MS4A13: variants seen among roughly 807,000 people sequenced by gnomAD.
MS4A13 encodes membrane-spanning 4-domains subfamily A member 13.
A neutral mutation model predicts 18.4 loss-of-function variants in MS4A13; 21 were observed. That is an observed-to-expected ratio of 1.14 (90% CI 0.81 to 1.64). MS4A13 has a LOEUF of 1.64. Among genes scored for constraint, MS4A13 ranks in the 40% most tolerant of loss-of-function variants. The pLI is 0.00. For missense variants in MS4A13, 173 were observed against 176.8 expected, an observed-to-expected ratio of 0.98 and a Z score of 0.12; for synonymous variants, 62 against 57.2, an observed-to-expected ratio of 1.08 and a Z score of -0.38.
chr11:60,540,016 TA>T (rs1365804879), intron 6 of MS4A13, among the ~76,000 whole-genome samples: 1 of 152,210 alleles, frequency 6.6e-6, no homozygotes, highest in Non-Finnish European at 1.5e-5. Flanking sequence ...AAAGTGCCAG[TA>T]AAAGTAATTA....
rs372576535 is a variant in MS4A13, at chr11:60,529,362, T to C, written c.307-3T>C. 4.4e-6 allele frequency: 7 copies of C among 1,582,722 alleles called. No individual in the cohort carries two copies. Among genetic ancestry groups the C allele is most frequent in the African/African-American group, 1.4e-5 (1 of 73,632 alleles). ...AAGATTTCTCCCTGTTTTTTGGTTA[T>C]AGAAACTTGGGAGGGAAGTATCACG... On this transcript the variant is annotated splice_polypyrimidine_tract_variant and splice_region_variant and intron_variant, in intron 5 of 6. Coordinates refer to ENST00000378186, the MANE Select transcript of MS4A13 (RefSeq NM_001012417.3).
chr11:60,521,790 G>A (rs991705445), intron 3 of MS4A13, among the ~76,000 whole-genome samples: 1 of 152,120 alleles, frequency 6.6e-6, no homozygotes, highest in Non-Finnish European at 1.5e-5. Context: ...TATCTTTTCA[G>A]CAGCACCCCA....
chr11:60,538,177 T>TTAAAAAA (rs60140970), intron 6 of MS4A13, among the ~76,000 whole-genome samples: 24 of 75,110 alleles, frequency 3.2e-4, no homozygotes, highest in East Asian at 1.4e-3. Context: ...TAAAGTATAA[T>TTAAAAAA]AAAAAAAAAA....
At chr11:60,527,361 CGTCTCTCTCTCTCTCTCTCTCTCTCTCT>C (rs1178742114) in intron 5 of MS4A13, among the ~76,000 whole-genome samples, 4 of 77,056 alleles carry the variant, frequency 5.2e-5, no homozygotes, top group Non-Finnish European at 9.5e-5. Context: ...TCATTCATTC[CGTCTCTCTCTCTCTCTCTCTCTCTCTCT>C]CTCTCTCTCT....
intron 6 of MS4A13, among the ~76,000 whole-genome samples, chr11:60,540,905 T>C (rs990797686): frequency 1.3e-5 from 2 of 148,322 alleles, no homozygotes; most frequent in African/African-American, 2.5e-5. Flanking sequence ...CAATGAGCCA[T>C]ATTCAGGCCA....
chr11:60,532,658 G>T (rs1450893020), intron 6 of MS4A13, among the ~76,000 whole-genome samples: 2 of 151,290 alleles, frequency 1.3e-5, no homozygotes, highest in Non-Finnish European at 3.0e-5. Flanking sequence ...CTCGAACTGG[G>T]TGGAGCCCAC....
At position 60,527,358 on chromosome 11, in the gene MS4A13, TTCCGTCTCTC is replaced by T. The variant is rs1471516317; in HGVS notation, c.307-2004_307-1995del. The stretch of plus-strand genomic sequence containing the variant: ...ACATCATCTGCCAGGAACTCATTCA[TTCCGTCTCTC>T]TCTCTCTCTCTCTCTCTCTCTCTCT... On this transcript the variant is annotated intron_variant, in intron 5 of 6. Transcript: ENST00000378186. 8.4e-4 allele frequency among the ~76,000 whole-genome samples: 69 copies of T among 81,930 alleles called. 5 individuals are homozygous for T. The highest frequency in any genetic ancestry group is 2.2e-3 in the South Asian group (4 of 1,852). The allele number at this position is 81,930 out of a possible 152,430, so 53.7% of individuals were successfully genotyped here.
chr11:60,518,175 T>G lies in MS4A13; in HGVS notation c.92T>G (p.Val31Gly). ...GGAGCCTTTGGAACGTATGAACCTG[T>G]AACTTACAAAACAGGATGTACTTTA... ...IKGAFGTYEP[V>G]TYKTGCTLWG... The change falls in exon 3 of 7, where the codon GTA (valine) becomes GGA (glycine). Residue 31 changes from valine to glycine, a missense_variant. Val to Gly is a moderately radical substitution (Grantham distance 109). Coordinates refer to ENST00000378186, the MANE Select transcript of MS4A13 (RefSeq NM_001012417.3). 1.9e-6 allele frequency: 3 copies of G among 1,611,984 alleles called. No individual in the cohort carries two copies. Among genetic ancestry groups the G allele is most frequent in the Non-Finnish European group, 2.5e-6 (3 of 1,178,664 alleles).
In MS4A13 at chr11:60,526,995, C is replaced by T. The variant is rs542107512; in HGVS notation, c.306+1669C>T. ...TGCTCTGTTCTTTCTTCCAAACTCCCGGCCTGTTGTTTTAAAAGCTAGTTT... is the reference window on the plus strand; with the variant it reads ...TGCTCTGTTCTTTCTTCCAAACTCCTGGCCTGTTGTTTTAAAAGCTAGTTT... On this transcript the variant is annotated intron_variant, in intron 5 of 6. Coordinates refer to ENST00000378186, the MANE Select transcript of MS4A13 (RefSeq NM_001012417.3). 9.7e-4 allele frequency among the ~76,000 whole-genome samples: 148 copies of T among 152,204 alleles called. 1 individual carries two copies. The highest frequency in any genetic ancestry group is 3.4e-3 in the African/African-American group (140 of 41,538).
At chr11:60,530,845 G>T (rs1418606014) in intron 6 of MS4A13, among the ~76,000 whole-genome samples, 2 of 152,176 alleles carry the variant, frequency 1.3e-5, no homozygotes, top group African/African-American at 2.4e-5. Flanking sequence ...CATGAGATCT[G>T]ATAGTTTTAT....
chr11:60,521,442 T>C (rs1341019621), intron 3 of MS4A13, among the ~76,000 whole-genome samples: 1 of 152,236 alleles, frequency 6.6e-6, no homozygotes. Flanking sequence ...CTTGAAAGGT[T>C]TGCTGCTTAG....
At chr11:60,516,713 A>T (rs1350073089) in intron 2 of MS4A13, among the ~76,000 whole-genome samples, 1 of 152,084 alleles carries the variant, frequency 6.6e-6, no homozygotes, top group Non-Finnish European at 1.5e-5. Flanking sequence ...ACCTCCTGGA[A>T]CTCATATTGA....
intron 6 of MS4A13, among the ~76,000 whole-genome samples, chr11:60,531,242 G>T (rs1421036602): frequency 6.6e-6 from 1 of 151,996 alleles, no homozygotes; most frequent in Non-Finnish European, 1.5e-5. Flanking sequence ...AGCAGATAAG[G>T]CCAAGGTCAC....
At chr11:60,543,299 A>AT (rs2086875046), downstream of MS4A13, among the ~76,000 whole-genome samples, 1 of 152,184 alleles carries the variant, frequency 6.6e-6, no homozygotes, top group African/African-American at 2.4e-5. Context: ...ACTAATTGTT[A>AT]TCTAACACTG....
chr11:60,531,716 C>T (rs1565214214), intron 6 of MS4A13, among the ~76,000 whole-genome samples: 1 of 152,224 alleles, frequency 6.6e-6, no homozygotes, highest in Non-Finnish European at 1.5e-5. Flanking sequence ...AGGCATCTCT[C>T]TTTGGCTTTC....
intron 6 of MS4A13, among the ~76,000 whole-genome samples, chr11:60,530,082 CAA>C (rs1322655895): frequency 6.6e-6 from 1 of 152,164 alleles, no homozygotes; most frequent in African/African-American, 2.4e-5. Flanking sequence ...TAACAACTCA[CAA>C]AAGTTTATGA....
chr11:60,530,983 C>T (rs1035118819), intron 6 of MS4A13, among the ~76,000 whole-genome samples: 2 of 152,158 alleles, frequency 1.3e-5, no homozygotes, highest in Non-Finnish European at 2.9e-5. Context: ...CCATGTGGAA[C>T]TGTAAGTCAA....
At chr11:60,518,885 T>C (rs190627887) in intron 3 of MS4A13, among the ~76,000 whole-genome samples, 3 of 152,294 alleles carry the variant, frequency 2.0e-5, no homozygotes, top group African/African-American at 7.2e-5. Flanking sequence ...AAACAGGAGC[T>C]TCTTTAAGGA....
At chr11:60,526,787 A>G (rs1258228715) in intron 5 of MS4A13, among the ~76,000 whole-genome samples, 1 of 152,252 alleles carries the variant, frequency 6.6e-6, no homozygotes, top group Non-Finnish European at 1.5e-5. Flanking sequence ...AGAAAAGTGC[A>G]TGCATCTGAA....
Sources: allele counts gnomAD v4.1 joint callset (sites outside exome capture counted in the v4.1 genomes callset), GRCh38; gene constraint gnomAD v4.1.1; transcripts MANE v1.5; gene names NCBI Gene and HGNC (gene_info 2026-07-23, HGNC 2026-07-21).